The following HMCN1 variants were observed in gnomAD, a reference collection of about 807,000 sequenced individuals.
HMCN1 encodes the protein hemicentin-1.
In HMCN1, 321 loss-of-function variants were observed where a neutral mutation model predicts 625.9. The observed-to-expected ratio is 0.51, with a 90% CI of 0.47 to 0.56. HMCN1 has a LOEUF of 0.56. Ranked by LOEUF, HMCN1 falls within the 20% of genes least tolerant of loss-of-function variation. The pLI is 0.00. For synonymous variants in HMCN1, 2,425 were observed against 2,417.6 expected (o/e 1.00, Z -0.09); for missense variants, 6,588 against 6,887.3 (o/e 0.96, Z 1.54).
chr1:185,937,919 A>AATG (rs1199215606), intron 11 of HMCN1, among the ~76,000 whole-genome samples: 1 of 148,076 alleles, frequency 6.8e-6, no homozygotes, highest in Non-Finnish European at 1.5e-5. Flanking sequence ...TAATAATAAT[A>AATG]ATAGTAATAA....
intron 2 of HMCN1, among the ~76,000 whole-genome samples, chr1:185,851,057 A>G (rs184099315): frequency 1.8e-3 from 281 of 152,304 alleles, no homozygotes; most frequent in South Asian, 3.5e-3. Context: ...TTCAGTGTTT[A>G]CTTATAGAAT....
chr1:186,106,209 C>G (rs567304737), intron 69 of HMCN1, among the ~76,000 whole-genome samples: 1 of 152,262 alleles, frequency 6.6e-6, no homozygotes, highest in African/African-American at 2.4e-5. Flanking sequence ...CATCTGTTTT[C>G]CAGAGTACCC....
At chr1:186,060,424 T>C (rs1365562698) in intron 46 of HMCN1, among the ~76,000 whole-genome samples, 1 of 152,132 alleles carries the variant, frequency 6.6e-6, no homozygotes, top group Admixed American at 6.6e-5. Context: ...CCCAGGACTT[T>C]GTTCTCTCAG....
In HMCN1 at chr1:186,144,485, A is replaced by T. The variant is rs200930507; in HGVS notation, c.14096-48A>T. On this transcript the variant is annotated intron_variant, in intron 90 of 106. Coordinates refer to ENST00000271588, the MANE Select transcript of HMCN1 (RefSeq NM_031935.3). Reference sequence around the variant, plus strand: ...CTAACAATGCCCAGAGTGTAACACGATGGTTCCTAGGTAGTAAGAAAGCAT... The same window carrying T: ...CTAACAATGCCCAGAGTGTAACACGTTGGTTCCTAGGTAGTAAGAAAGCAT... 8.1e-4 allele frequency: 1,303 copies of T among 1,613,430 alleles called. 2 individuals are homozygous for T. The highest frequency in any genetic ancestry group is 1.5e-3 in the Admixed American group (88 of 60,010).
chr1:185,846,566 A>G (rs1371024146), intron 2 of HMCN1, among the ~76,000 whole-genome samples: 1 of 152,244 alleles, frequency 6.6e-6, no homozygotes, highest in Admixed American at 6.5e-5. Flanking sequence ...GATGAATCAC[A>G]TTGGTTTAAA....
chr1:185,882,332 G>A (rs1195970402), intron 4 of HMCN1, among the ~76,000 whole-genome samples: 1 of 148,256 alleles, frequency 6.7e-6, no homozygotes, highest in Non-Finnish European at 1.5e-5. Flanking sequence ...AAATTAATGT[G>A]TTGTCAAAGA....
intron 12 of HMCN1, 46 bp downstream of exon 12, chr1:185,962,705 T>C (rs1650115085): frequency 9.0e-7 from 1 of 1,112,012 alleles, no homozygotes; most frequent in Non-Finnish European, 1.4e-6. Context: ...GTGAGAAAAA[T>C]TGATGAGACT....
intron 4 of HMCN1, among the ~76,000 whole-genome samples, chr1:185,897,763 T>G (rs1305879513): frequency 6.6e-6 from 1 of 152,172 alleles, no homozygotes; most frequent in African/African-American, 2.4e-5. Flanking sequence ...TAAAATAGTT[T>G]AGCCACTCTT....
Position 186,162,657 on chromosome 1 carries a change from T to C in HMCN1, c.15257-2454T>C, listed in dbSNP as rs184883965. Among the ~76,000 whole-genome samples the C allele has an allele frequency of 6.0e-3, 918 of 152,334 alleles. 4 individuals are homozygous for C. Among genetic ancestry groups the C allele is most frequent in the Middle Eastern group, 0.034 (10 of 294 alleles). Reference sequence around the variant, plus strand: ...GACAGGACCCTCAGCTGCAAGTCTGTTGGAGTTTGCTAGAGGTCCACTCCA... The same window carrying C: ...GACAGGACCCTCAGCTGCAAGTCTGCTGGAGTTTGCTAGAGGTCCACTCCA... On this transcript the variant is annotated intron_variant, in intron 97 of 106. Coordinates refer to ENST00000271588, the MANE Select transcript of HMCN1 (RefSeq NM_031935.3).
At chr1:185,864,378 T>A (rs1484060764) in intron 2 of HMCN1, 92 bp from the exon 3 acceptor site, 1 of 1,201,914 alleles carries the variant, frequency 8.3e-7, no homozygotes, top group African/African-American at 1.5e-5. Context: ...GAAAACTTGC[T>A]CGTTCTAAAA....
Position 186,157,489 on chromosome 1 carries a change from CT to C in HMCN1, c.15256+3511del, listed in dbSNP as rs775842138. Reference sequence around the variant, plus strand: ...TGATTATTTTGGGAACATTAAGCAACTTTTTTTTTATTATACTTTAAATTTT... The same window carrying C: ...TGATTATTTTGGGAACATTAAGCAACTTTTTTTTATTATACTTTAAATTTT... On this transcript the variant is annotated intron_variant, in intron 97 of 106. Coordinates refer to ENST00000271588, the MANE Select transcript of HMCN1 (RefSeq NM_031935.3). Among the ~76,000 whole-genome samples the C allele has an allele frequency of 1.1e-3, 160 of 151,488 alleles. 1 individual carries two copies. Among genetic ancestry groups the C allele is most frequent in the African/African-American group, 3.3e-3 (138 of 41,328 alleles).
intron 35 of HMCN1, among the ~76,000 whole-genome samples, chr1:186,022,269 G>A (rs1654773635): frequency 6.6e-6 from 1 of 152,080 alleles, no homozygotes; most frequent in African/African-American, 2.4e-5. Flanking sequence ...TTCCTTGGGT[G>A]TGGAACAGGA....
chr1:186,081,761 G>A (rs141157908), intron 56 of HMCN1, among the ~76,000 whole-genome samples: 3 of 152,198 alleles, frequency 2.0e-5, no homozygotes, highest in Non-Finnish European at 4.4e-5. Context: ...ATTTAAATTT[G>A]TATGTAGGCA....
Position 185,756,838 on chromosome 1 carries a change from AT to A in HMCN1, c.268+21803del, listed in dbSNP as rs201914042. ...TTTCTGCTATTGTCCAATGACTATCATTTTTTTTTTTTACTTCTATGATAAC... is the reference window on the plus strand; with the variant it reads ...TTTCTGCTATTGTCCAATGACTATCATTTTTTTTTTTACTTCTATGATAAC... On this transcript the variant is annotated intron_variant, in intron 1 of 106. Coordinates refer to ENST00000271588, the MANE Select transcript of HMCN1 (RefSeq NM_031935.3). 4.3e-3 allele frequency among the ~76,000 whole-genome samples: 629 copies of A among 145,290 alleles called. 4 individuals are homozygous for A. Among genetic ancestry groups the A allele is most frequent in the Middle Eastern group, 7.5e-3 (2 of 268 alleles).
Position 186,099,537 on chromosome 1 carries a change from A to G in HMCN1, c.10574-3935A>G, listed in dbSNP as rs149884779. On this transcript the variant is annotated intron_variant, in intron 68 of 106. Transcript: ENST00000271588. ...TGTGGTGTGGCAAACATGCAAATGCATCACTAAGAAAGATATGATCTCAGC... is the reference window on the plus strand; with the variant it reads ...TGTGGTGTGGCAAACATGCAAATGCGTCACTAAGAAAGATATGATCTCAGC... Among the ~76,000 whole-genome samples the G allele has an allele frequency of 6.2e-4, 94 of 152,244 alleles. 1 individual carries two copies. Among genetic ancestry groups the G allele is most frequent in the Non-Finnish European group, 9.1e-4 (62 of 68,008 alleles).
intron 78 of HMCN1, 21 bp downstream of exon 78, chr1:186,119,319 A>G: frequency 6.3e-7 from 1 of 1,579,908 alleles, no homozygotes; most frequent in Non-Finnish European, 8.7e-7. Flanking sequence ...CTATTTACTC[A>G]TTCAAAGTTC....
rs72383813 is a variant in HMCN1, at chr1:185,814,699, T to TA, written c.269-31327_269-31326insA. Among the ~76,000 whole-genome samples, 572 of 145,752 alleles carry TA rather than the reference T, an allele frequency of 3.9e-3. 55 individuals are homozygous for TA. Among genetic ancestry groups the TA allele is most frequent in the African/African-American group, 0.014 (513 of 36,580 alleles). ...TTTTTTTTAATTATTATTATTTATT[T>TA]TTTTTTTTTTGAGATGCAGTATCAC... is the stretch of plus-strand genomic sequence containing the variant. On this transcript the variant is annotated intron_variant, in intron 1 of 106. Coordinates refer to ENST00000271588, the MANE Select transcript of HMCN1 (RefSeq NM_031935.3).
At chr1:185,847,641 TC>T (rs1661904889) in intron 2 of HMCN1, among the ~76,000 whole-genome samples, 1 of 152,190 alleles carries the variant, frequency 6.6e-6, no homozygotes, top group Non-Finnish European at 1.5e-5. Context: ...AAACTGTTTC[TC>T]TCAACTGTTA....
At chr1:185,859,287 G>T (rs939976647) in intron 2 of HMCN1, among the ~76,000 whole-genome samples, 10 of 151,974 alleles carry the variant, frequency 6.6e-5, no homozygotes, top group Non-Finnish European at 1.5e-5. Flanking sequence ...GTTCATGAAA[G>T]ACTTAATCAA....
Sources: gnomAD v4.1 joint callset for allele counts (sites outside exome capture counted in the v4.1 genomes callset) on GRCh38, gnomAD v4.1.1 for gene constraint, MANE v1.5 for transcripts, NCBI Gene and HGNC (gene_info 2026-07-23, HGNC 2026-07-21) for gene names.